Variants in SLC12A7 observed in about 807,000 individuals in gnomAD.
SLC12A7 encodes the protein solute carrier family 12 member 7, also known as K-Cl cotransporter 4.
SLC12A7 carries 100 observed loss-of-function variants against 120.6 expected under a neutral mutation model. That is an observed-to-expected ratio of 0.83 (90% CI 0.71 to 0.98). SLC12A7 has a LOEUF of 0.98. SLC12A7 is among the 50% of genes least tolerant of loss of function. The pLI is 0.00. For missense variants in SLC12A7, 1,373 were observed against 1,548.1 expected, an observed-to-expected ratio of 0.89 and a Z score of 1.90; for synonymous variants, 760 against 678.0, an observed-to-expected ratio of 1.12 and a Z score of -1.88.
At chr5:1,096,795 A>AGGAGGGAGGGAAGGAAGGAGGGAGGGGG (rs1741250051) in intron 1 of SLC12A7, among the ~76,000 whole-genome samples, 1 of 31,452 alleles carries the variant, frequency 3.2e-5, no homozygotes, top group African/African-American at 1.4e-4. Flanking sequence ...GAGGGAAGGA[A>AGGAGGGAGGGAAGGAAGGAGGGAGGGGG]GGAGGGAGGG....
chr5:1,145,256 G>A, the SLC12A7 span, among the ~76,000 whole-genome samples: 1 of 152,282 alleles, frequency 6.6e-6, no homozygotes, highest in Admixed American at 6.5e-5. This position sits in a 1 kb window ranked among gnomAD's most constrained non-coding sequence, Gnocchi z 4.4. Flanking sequence ...GAAGACCAGC[G>A]AGGGCTCATG....
chr5:1,085,554 A>T, intron 6 of SLC12A7, 81 bp from the exon 7 acceptor site: 1 of 1,480,524 alleles, frequency 6.8e-7, no homozygotes, highest in Non-Finnish European at 9.0e-7. Flanking sequence ...CCCCAGCGCC[A>T]CACAGGGGCC....
At chr5:1,142,925 C>T in the SLC12A7 span, among the ~76,000 whole-genome samples, 1 of 150,536 alleles carries the variant, frequency 6.6e-6, no homozygotes, top group Non-Finnish European at 1.5e-5. Flanking sequence ...CTTTCCTGGC[C>T]CATTCTCCAT....
the SLC12A7 span, among the ~76,000 whole-genome samples, chr5:1,127,808 G>A: frequency 6.6e-6 from 1 of 152,200 alleles, no homozygotes; most frequent in East Asian, 1.9e-4. Context: ...AACACTGAAG[G>A]AAGAAATAAT....
chr5:1,073,958 G>C (rs1286202265), intron 16 of SLC12A7, among the ~76,000 whole-genome samples, 157 bp from the exon 17 acceptor site: 1 of 152,158 alleles, frequency 6.6e-6, no homozygotes, highest in Non-Finnish European at 1.5e-5. Flanking sequence ...GGTGACAGAT[G>C]GGATGGGGAA....
At chr5:1,069,664 G>A (rs769214882) in intron 17 of SLC12A7, among the ~76,000 whole-genome samples, 3 of 152,204 alleles carry the variant, frequency 2.0e-5, no homozygotes, top group East Asian at 1.9e-4. Context: ...TGAAAATCAC[G>A]CAGGTGGGCA....
chr5:1,089,002 C>T lies in SLC12A7; in HGVS notation c.469G>A (p.Val157Met). 2.5e-6 allele frequency: 4 copies of T among 1,612,912 alleles called. No homozygotes were observed. Among genetic ancestry groups the T allele is most frequent in the South Asian group, 2.2e-5 (2 of 91,088 alleles). ...VAGVLESFLI[V>M]AMCCTCTMLT... is the part of the protein sequence containing the mutation. ...CTCACACATGTGCAGCACATGGCCA[C>T]GATGAGGAAGGACTCCAGGACACCA... The change falls in exon 4 of 24, where the codon GTG becomes ATG. Residue 157 changes from valine to methionine, a missense_variant. Val to Met is a conservative substitution (Grantham distance 21, BLOSUM62 1). Coordinates refer to ENST00000264930, the MANE Select transcript of SLC12A7 (RefSeq NM_006598.3).
the SLC12A7 span, among the ~76,000 whole-genome samples, chr5:1,149,141 GA>G: frequency 0.76 from 114,054 of 150,262 alleles, 44,472 homozygotes; most frequent in Non-Finnish European, 0.87. Context: ...GCCGCACCCA[GA>G]AGGGGGACTG....
the SLC12A7 span, among the ~76,000 whole-genome samples, chr5:1,125,657 G>T: frequency 6.6e-6 from 1 of 152,144 alleles, no homozygotes; most frequent in Non-Finnish European, 1.5e-5. Flanking sequence ...GGGCACAGTG[G>T]CTCATGCCTG....
At chr5:1,076,869 G>A in intron 12 of SLC12A7, 57 bp from the exon 13 acceptor site, 8 of 1,224,838 alleles carry the variant, frequency 6.5e-6, no homozygotes, top group Non-Finnish European at 9.6e-6. Context: ...TAGGAGAGAA[G>A]CTGCAGGCTG....
chr5:1,061,448 G>A (rs1175605234), intron 20 of SLC12A7, among the ~76,000 whole-genome samples: 7 of 62,642 alleles, frequency 1.1e-4, no homozygotes, highest in African/African-American at 2.1e-4. Context: ...CGCACCCGCC[G>A]TGCGGGATCC....
intron 17 of SLC12A7, among the ~76,000 whole-genome samples, chr5:1,068,717 C>T (rs1056061946): frequency 5.9e-5 from 9 of 152,270 alleles, no homozygotes; most frequent in Non-Finnish European, 1.3e-4. Context: ...ACCCCCCAGC[C>T]GAAGGGCTGT....
the SLC12A7 span, among the ~76,000 whole-genome samples, chr5:1,130,637 G>C: frequency 9.8e-6 from 1 of 102,128 alleles, no homozygotes; most frequent in Non-Finnish European, 2.1e-5. Flanking sequence ...AGCAGGGAGG[G>C]AGGGCGTGCT....
At chr5:1,154,680 C>A in the SLC12A7 span, among the ~76,000 whole-genome samples, 1 of 152,208 alleles carries the variant, frequency 6.6e-6, no homozygotes, top group Non-Finnish European at 1.5e-5. Context: ...TGTGGACTCT[C>A]ACATGTGTGA....
intron 22 of SLC12A7, 35 bp from the exon 23 acceptor site, chr5:1,053,517 G>A (rs753002732): frequency 1.2e-6 from 2 of 1,606,864 alleles, no homozygotes; most frequent in South Asian, 2.2e-5. Flanking sequence ...GCGGGCGGCG[G>A]GTGCACCCCA....
intron 3 of SLC12A7, among the ~76,000 whole-genome samples, chr5:1,091,719 C>T (rs940687788): frequency 1.3e-5 from 2 of 151,980 alleles, no homozygotes; most frequent in East Asian, 1.9e-4. Context: ...CACCCAATTC[C>T]GCGGCGTCCA....
the SLC12A7 span, among the ~76,000 whole-genome samples, chr5:1,124,899 G>A: frequency 4.5e-4 from 69 of 152,284 alleles, 1 homozygote; most frequent in East Asian, 0.013. Context: ...CCCTGATGAC[G>A]CCCCGCTTCA....
chr5:1,108,183 G>GC (rs1742683775), intron 1 of SLC12A7, among the ~76,000 whole-genome samples: 1 of 152,248 alleles, frequency 6.6e-6, no homozygotes, highest in Non-Finnish European at 1.5e-5. Flanking sequence ...GCACATAGGT[G>GC]CCCGCACACA....
intron 17 of SLC12A7, among the ~76,000 whole-genome samples, chr5:1,069,997 C>T (rs1737501504): frequency 1.1e-5 from 1 of 89,416 alleles, no homozygotes; most frequent in Non-Finnish European, 2.6e-5. Flanking sequence ...TAACGCAGCC[C>T]CCAGTGAGCC....
Sources: allele counts gnomAD v4.1 joint callset (sites outside exome capture counted in the v4.1 genomes callset), GRCh38; gene constraint gnomAD v4.1.1; non-coding constraint Gnocchi (gnomAD v3.1); transcripts MANE v1.5; gene names NCBI Gene and HGNC (gene_info 2026-07-23, HGNC 2026-07-21).